Variants in ZDHHC11 observed in about 807,000 individuals in gnomAD.
The protein encoded by ZDHHC11 is zDHHC palmitoyltransferase 11, also known as palmitoyltransferase ZDHHC11.
Under a neutral mutation model 51.3 loss-of-function variants are expected in ZDHHC11, and 44 were observed. That is an observed-to-expected ratio of 0.86 (90% CI 0.67 to 1.10). The LOEUF (loss-of-function observed/expected upper bound fraction) is 1.10. ZDHHC11 is among the 50% of genes least tolerant of loss of function. The pLI is 0.00. For synonymous variants in ZDHHC11, 163 were observed against 222.0 expected (o/e 0.73, Z 2.36); for missense variants, 400 against 537.7 (o/e 0.74, Z 2.53).
At chr5:849,990 G>A (rs182260044) in intron 1 of ZDHHC11, among the ~76,000 whole-genome samples, 117 of 152,376 alleles carry the variant, frequency 7.7e-4, no homozygotes, top group Middle Eastern at 6.8e-3. Flanking sequence ...TGGAAACGCA[G>A]GCTGCCGACC....
intron 10 of ZDHHC11, 52 bp downstream of exon 10, chr5:819,473 C>T: frequency 1.9e-6 from 3 of 1,576,314 alleles, no homozygotes; most frequent in South Asian, 2.2e-5. Context: ...TCAGACCACA[C>T]ATTCTGCACA....
chr5:812,896 T>C lies in ZDHHC11; in HGVS notation c.1181+1865A>G, dbSNP rs189936412. On this transcript the variant is annotated intron_variant, in intron 11 of 12. Transcript: ENST00000283441. ...TATGAAACGTCATGAGTGTAATCTATGCCATATTGTTGAAGAAATTAAAAT... is the reference window on the plus strand; with the variant it reads ...TATGAAACGTCATGAGTGTAATCTACGCCATATTGTTGAAGAAATTAAAAT... 8.8e-4 allele frequency among the ~76,000 whole-genome samples: 132 copies of C among 149,978 alleles called. 1 individual carries two copies. In the East Asian group the frequency reaches 0.015, roughly 17 times the overall value.
intron 5 of ZDHHC11, among the ~76,000 whole-genome samples, chr5:838,132 C>T (rs1030400344): frequency 3.3e-5 from 5 of 151,846 alleles, no homozygotes; most frequent in Non-Finnish European, 7.4e-5. Context: ...GGGGCTGAGA[C>T]AGGTCACCAT....
At chr5:802,320 A>G (rs189384032) in intron 11 of ZDHHC11, among the ~76,000 whole-genome samples, 1 of 151,524 alleles carries the variant, frequency 6.6e-6, no homozygotes, top group Non-Finnish European at 1.5e-5. Flanking sequence ...AGGACTCAGT[A>G]AGCAAAGGAG....
chr5:852,870 C>T (rs111424495), upstream of ZDHHC11, among the ~76,000 whole-genome samples: 4 of 84,730 alleles, frequency 4.7e-5, no homozygotes, highest in South Asian at 4.8e-4. Flanking sequence ...CAGCGAGCAG[C>T]GGGGACAGAC....
chr5:810,613 C>T (rs1301157829), intron 11 of ZDHHC11, among the ~76,000 whole-genome samples: 1 of 151,282 alleles, frequency 6.6e-6, no homozygotes, highest in African/African-American at 2.4e-5. Context: ...GCGCAGCAGG[C>T]AGAGCCTGAA....
In ZDHHC11 at chr5:831,089, A is replaced by T. The variant is rs1743016848; in HGVS notation, c.935+2684T>A. 1.3e-5 allele frequency among the ~76,000 whole-genome samples: 2 copies of T among 149,520 alleles called. 1 individual carries two copies. The highest frequency in any genetic ancestry group is 1.4e-4 in the Admixed American group (2 of 14,748). The stretch of plus-strand genomic sequence containing the variant: ...GCTCATGACGAAGAATCCAAAAGCA[A>T]ATGCAACAAGAACAAAGATAAATAG... On this transcript the variant is annotated intron_variant, in intron 7 of 12. Transcript: ENST00000283441.
At chr5:818,173 C>T (rs1377092518) in intron 10 of ZDHHC11, among the ~76,000 whole-genome samples, 1 of 151,230 alleles carries the variant, frequency 6.6e-6, no homozygotes, top group African/African-American at 2.4e-5. Context: ...GTCATCTACA[C>T]CGAGATGCTG....
Position 819,560 on chromosome 5 carries a change from T to C in ZDHHC11, c.1111A>G (p.Thr371Ala). 3 of 1,609,634 alleles carry C rather than the reference T, an allele frequency of 1.9e-6. 1 individual carries two copies. Among genetic ancestry groups the C allele is most frequent in the Non-Finnish European group, 2.5e-6 (3 of 1,176,608 alleles). Residue 371 changes from threonine (T) to alanine (A), a missense_variant, in exon 10 of 13, where the codon ACT (threonine) becomes GCT (alanine). Thr to Ala is a moderately conservative substitution (Grantham distance 58, BLOSUM62 0). This residue lies in a region of ZDHHC11 where 231 missense variants were observed against 227.4 expected (regional missense o/e 1.02). Transcript: ENST00000283441. ...GAGCCCCCGTCTGGGTGTACACGAG[T>C]GGAGAACTGACACAGGCGCCTGCAA... Reference protein sequence around the residue: ...LICRRLCQFSTRVHPDGGSMA... With the variant: ...LICRRLCQFSARVHPDGGSMA...
Position 819,524 on chromosome 5 carries a change from C to G in ZDHHC11, c.1146+1G>C, listed in dbSNP as rs754565875. 1.7e-5 allele frequency: 28 copies of G among 1,609,196 alleles called. 1 individual carries two copies. Among genetic ancestry groups the G allele is most frequent in the Non-Finnish European group, 2.4e-5 (28 of 1,176,128 alleles). ...GGACAGCGCCAGTGATTGCAACTTA[C>G]CTGTGCCATCGAGCCCCCGTCTGGG... On this transcript the variant is annotated splice_donor_variant, in intron 10 of 12. Transcript: ENST00000283441. LOFTEE classifies it high-confidence loss of function.
rs1373944338 is a variant in ZDHHC11 at position 827,825 on chromosome 5, A to G, written c.936-2574T>C. ...AGGGTCATAGGACAATAGTGGAGGG[A>G]AGGTCAACAGAAAAACAAGTGAACA... On this transcript the variant is annotated intron_variant, in intron 7 of 12. Transcript: ENST00000283441. Among the ~76,000 whole-genome samples the G allele has an allele frequency of 4.7e-5, 7 of 150,316 alleles. No homozygotes were observed. The East Asian group carries it at 1.4e-3, about 29-fold the overall frequency.
chr5:833,059 G>T (rs2150364842), intron 7 of ZDHHC11, among the ~76,000 whole-genome samples: 1 of 151,088 alleles, frequency 6.6e-6, no homozygotes, highest in Admixed American at 6.6e-5. Context: ...CGTAATTGTA[G>T]TAAGGAAATG....
chr5:807,295 T>G (rs926039633), intron 11 of ZDHHC11, among the ~76,000 whole-genome samples: 1 of 150,828 alleles, frequency 6.6e-6, no homozygotes, highest in Admixed American at 6.6e-5. Flanking sequence ...TGCACGTATG[T>G]ATGTACTCTT....
chr5:831,622 A>G (rs1396426500), intron 7 of ZDHHC11, among the ~76,000 whole-genome samples: 1 of 145,384 alleles, frequency 6.9e-6, no homozygotes, highest in Admixed American at 7.2e-5. Flanking sequence ...AATCCCATCA[A>G]AAAGTGGGCA....
chr5:843,092 T>C (rs1745314590), intron 4 of ZDHHC11, among the ~76,000 whole-genome samples: 1 of 152,278 alleles, frequency 6.6e-6, no homozygotes, highest in Non-Finnish European at 1.5e-5. Context: ...CACCGCCACG[T>C]CTCTCCAGTG....
chr5:801,360 A>T (rs1240743725), intron 11 of ZDHHC11, among the ~76,000 whole-genome samples, 196 bp from the exon 12 acceptor site: 1 of 151,758 alleles, frequency 6.6e-6, no homozygotes, highest in Non-Finnish European at 1.5e-5. Flanking sequence ...TGCTGAAAGA[A>T]TGTTGCTTTT....
At chr5:805,863 A>G (rs1262644427) in intron 11 of ZDHHC11, among the ~76,000 whole-genome samples, 1 of 151,162 alleles carries the variant, frequency 6.6e-6, no homozygotes, top group African/African-American at 2.4e-5. Flanking sequence ...TGAGATATGG[A>G]GGGTCCCAGG....
At chr5:804,213 T>A (rs564486294) in intron 11 of ZDHHC11, among the ~76,000 whole-genome samples, 1 of 151,438 alleles carries the variant, frequency 6.6e-6, no homozygotes, top group African/African-American at 2.4e-5. Context: ...TGTGTAGTTC[T>A]CAGTAGCATG....
At chr5:828,562 C>T (rs1427411426) in intron 7 of ZDHHC11, among the ~76,000 whole-genome samples, 6 of 151,316 alleles carry the variant, frequency 4.0e-5, no homozygotes, top group Non-Finnish European at 7.4e-5. Flanking sequence ...GTGACGGACA[C>T]AATACTGCAC....
Sources: gnomAD v4.1 joint callset for allele counts (sites outside exome capture counted in the v4.1 genomes callset) on GRCh38, gnomAD v4.1.1 for gene constraint, gnomAD v4.1.1 regional missense constraint, MANE v1.5 for transcripts, NCBI Gene and HGNC (gene_info 2026-07-23, HGNC 2026-07-21) for gene names.